The following DCC variants were observed in gnomAD, a reference collection of about 807,000 sequenced individuals.
DCC encodes DCC netrin 1 receptor.
DCC carries 58 observed loss-of-function variants against 172.5 expected under a neutral mutation model. The ratio of observed to expected loss-of-function variants is 0.34; its 90% CI spans 0.27 to 0.42. The LOEUF is 0.42. Among genes scored for constraint, DCC ranks in the 10% least tolerant of loss-of-function variants. DCC has a pLI of 1.00. For missense variants in DCC, 1,740 were observed against 1,791.0 expected, an observed-to-expected ratio of 0.97 and a Z score of 0.51; for synonymous variants, 709 against 644.5, an observed-to-expected ratio of 1.10 and a Z score of -1.52.
chr18:53,450,727 T>A, intron 23 of DCC, 65 bp downstream of exon 23: 1 of 1,308,932 alleles, frequency 7.6e-7, no homozygotes, highest in Admixed American at 1.7e-5. Flanking sequence ...TTTTTGATGG[T>A]CCTCTTTCTG....
chr18:52,761,937 AGAAG>A (rs1440961105), intron 2 of DCC, among the ~76,000 whole-genome samples: 1 of 122,508 alleles, frequency 8.2e-6, no homozygotes, highest in African/African-American at 2.7e-5. Context: ...AAAAAAAAAA[AGAAG>A]AAGGAAAAAA....
At chr18:53,385,909 A>T in intron 15 of DCC, 134 bp from the exon 16 acceptor site, 1 of 705,426 alleles carries the variant, frequency 1.4e-6, no homozygotes, top group South Asian at 1.6e-5. Flanking sequence ...TTCCTTTCTG[A>T]ATCCAACTCA....
chr18:52,872,618 G>A (rs1427012537), intron 2 of DCC, among the ~76,000 whole-genome samples: 1 of 152,130 alleles, frequency 6.6e-6, no homozygotes, highest in Non-Finnish European at 1.5e-5. Context: ...CTCTGCCTTT[G>A]TTATTTTGCA....
chr18:53,305,132 A>G (rs147194451), intron 12 of DCC, among the ~76,000 whole-genome samples: 1 of 152,328 alleles, frequency 6.6e-6, no homozygotes, highest in African/African-American at 2.4e-5. Context: ...TGGAACTATG[A>G]GTCCATTAAA....
chr18:53,267,174 A>G (rs1357023344), intron 12 of DCC, among the ~76,000 whole-genome samples: 6 of 151,868 alleles, frequency 4.0e-5, no homozygotes, highest in Admixed American at 3.3e-4. Flanking sequence ...AGACAGAGAC[A>G]GAGAGACAGA....
At chr18:53,529,921 T>C (rs1490704257) in intron 28 of DCC, among the ~76,000 whole-genome samples, 1 of 152,182 alleles carries the variant, frequency 6.6e-6, no homozygotes, top group Non-Finnish European at 1.5e-5. Context: ...ACCATTCAAA[T>C]TGTCCCAAAA....
intron 5 of DCC, among the ~76,000 whole-genome samples, chr18:53,060,556 G>A (rs952112317): frequency 1.3e-5 from 2 of 152,052 alleles, no homozygotes; most frequent in African/African-American, 4.8e-5. Flanking sequence ...TCACATATAC[G>A]TTTGTAATCA....
In DCC at chr18:53,351,321, T is replaced by TGTATATATATAC. The variant is rs1491223710; in HGVS notation, c.2359+11414_2359+11415insGTATATATATAC. On this transcript the variant is annotated intron_variant, in intron 15 of 28. Coordinates refer to ENST00000442544, the MANE Select transcript of DCC (RefSeq NM_005215.4). ...TATATATATATATATATATACACTG[T>TGTATATATATAC]ATATATATATACAGTGTATATATAT... is the stretch of plus-strand genomic sequence containing the variant. 5.4e-4 allele frequency among the ~76,000 whole-genome samples: 5 copies of TGTATATATATAC among 9,336 alleles called. 1 individual carries two copies. The highest frequency in any genetic ancestry group is 2.9e-3 in the Non-Finnish European group (4 of 1,392). The allele number at this position is 9,336 out of a possible 152,430, so 6.1% of individuals were successfully genotyped here.
At chr18:52,414,671 T>C (rs1986957154) in intron 1 of DCC, among the ~76,000 whole-genome samples, 1 of 152,194 alleles carries the variant, frequency 6.6e-6, no homozygotes, top group Non-Finnish European at 1.5e-5. Flanking sequence ...ATGAGACTCA[T>C]GCAAGGTGGA....
intron 15 of DCC, among the ~76,000 whole-genome samples, chr18:53,371,838 G>A (rs117140653): frequency 0.019 from 2,930 of 152,052 alleles, 54 homozygotes; most frequent in Non-Finnish European, 0.028. Flanking sequence ...AGACATACAT[G>A]CAGCCAACAA....
At chr18:53,291,877 G>C (rs2057009038) in intron 12 of DCC, among the ~76,000 whole-genome samples, 2 of 152,080 alleles carry the variant, frequency 1.3e-5, no homozygotes, top group African/African-American at 4.8e-5. Context: ...ATAAACTCTA[G>C]GGAACAACCA....
Position 52,708,666 on chromosome 18 carries a change from T to C in DCC, c.92-43388T>C, listed in dbSNP as rs187578651. ...GGCTCTGAGTCTCAGCCATGAATAG[T>C]CTCTCACCACAAGGCCATGCTCACC... On this transcript the variant is annotated intron_variant, in intron 1 of 28. Coordinates refer to ENST00000442544, the MANE Select transcript of DCC (RefSeq NM_005215.4). 1.8e-4 allele frequency among the ~76,000 whole-genome samples: 27 copies of C among 152,174 alleles called. 1 individual carries two copies. Among genetic ancestry groups the C allele is most frequent in the African/African-American group, 5.5e-4 (23 of 41,514 alleles).
At chr18:53,075,571 G>C (rs1325510291) in intron 7 of DCC, among the ~76,000 whole-genome samples, 1 of 147,086 alleles carries the variant, frequency 6.8e-6, no homozygotes, top group Non-Finnish European at 1.5e-5. Context: ...TAGCTCTCTA[G>C]AGTAGAAAAA....
chr18:52,761,884 G>A (rs2037165299), intron 2 of DCC, among the ~76,000 whole-genome samples: 2 of 145,658 alleles, frequency 1.4e-5, no homozygotes, highest in Admixed American at 1.4e-4. Context: ...AGTCTGGCCT[G>A]GGTGAAAGAG....
Position 53,391,826 on chromosome 18 carries a change from C to A in DCC, c.2627C>A (p.Ser876Tyr). Residue 876 changes from serine to tyrosine, a missense_variant, in exon 17 of 29, where the codon TCT becomes TAT. This residue lies in a region of DCC where 1,732 missense variants were observed against 1,767.4 expected (regional missense o/e 0.98). Transcript: ENST00000442544. ...DNSVPKNQKT[S>Y]EVRLYTVRWR... ...TCTGTCCCTAAGAACCAAAAGACGT[C>A]TGAGGTGCGACTTTACACCGTCCGG... 6.2e-7 allele frequency: 1 copy of A among 1,614,034 alleles called. No homozygotes were observed. The highest frequency in any genetic ancestry group is 8.5e-7 in the Non-Finnish European group (1 of 1,179,898).
intron 9 of DCC, among the ~76,000 whole-genome samples, chr18:53,195,880 T>C (rs914718536): frequency 6.6e-6 from 1 of 152,246 alleles, no homozygotes; most frequent in Non-Finnish European, 1.5e-5. Context: ...ATATATGATA[T>C]ATTGTTCATT....
At chr18:52,667,059 G>T (rs2035469582) in intron 1 of DCC, among the ~76,000 whole-genome samples, 1 of 152,140 alleles carries the variant, frequency 6.6e-6, no homozygotes, top group Non-Finnish European at 1.5e-5. Flanking sequence ...GAGGGGCAAA[G>T]GGAGGGATTA....
intron 9 of DCC, among the ~76,000 whole-genome samples, chr18:53,190,939 C>T (rs564410283): frequency 3.3e-5 from 5 of 152,162 alleles, no homozygotes; most frequent in Non-Finnish European, 5.9e-5. Flanking sequence ...GAGCGGACTC[C>T]GTCTTAAGAA....
chr18:53,460,092 A>G (rs1447485634), intron 24 of DCC, among the ~76,000 whole-genome samples: 1 of 149,038 alleles, frequency 6.7e-6, no homozygotes, highest in Non-Finnish European at 1.5e-5. Context: ...TGTTCAATGA[A>G]TTGGTGCAGA....
Sources: allele counts gnomAD v4.1 joint callset (sites outside exome capture counted in the v4.1 genomes callset), GRCh38; gene constraint gnomAD v4.1.1; regional missense constraint gnomAD v4.1.1; transcripts MANE v1.5; gene names NCBI Gene and HGNC (gene_info 2026-07-23, HGNC 2026-07-21).